The following LDHA variants were observed in gnomAD, a reference collection of about 807,000 sequenced individuals.
LDHA encodes lactate dehydrogenase A, also known as L-lactate dehydrogenase A chain.
In LDHA, 10 loss-of-function variants were observed where a neutral mutation model predicts 36.3. The ratio of observed to expected loss-of-function variants is 0.28; its 90% confidence interval spans 0.17 to 0.47. The LOEUF is 0.47. Among genes scored for constraint, LDHA ranks in the 20% least tolerant of loss-of-function variants. The pLI, the probability that LDHA is intolerant of heterozygous loss-of-function variation, is 0.99. For synonymous variants in LDHA, 110 were observed against 136.7 expected (o/e 0.80, Z 1.36); for missense variants, 267 against 405.8 (o/e 0.66, Z 2.94).
Position 18,408,147 on chromosome 11 carries a change from A to G in LDHA, c.*866A>G, listed in dbSNP as rs1379737388. 4.4e-6 allele frequency: 2 copies of G among 454,038 alleles called. No homozygotes were observed. Among genetic ancestry groups the G allele is most frequent in the African/African-American group, 2.0e-5 (1 of 50,022 alleles). The allele number at this position is 454,038 out of a possible 1,614,324, so 28.1% of individuals were successfully genotyped here. A position where few individuals can be genotyped will look rare whatever the true frequency, so the allele number is the denominator to read the frequency against. On this transcript the variant is annotated 3_prime_UTR_variant, in exon 8 of 8. Coordinates refer to ENST00000422447, the MANE Select transcript of LDHA (RefSeq NM_005566.4). ...ATATAGGCAATGATAGTGTGTCACT[A>G]TAGGGAACACAGATTTTTGAGATCT...
chr11:18,396,067 C>G (rs1463807848), intron 1 of LDHA, among the ~76,000 whole-genome samples: 1 of 152,276 alleles, frequency 6.6e-6, no homozygotes, highest in African/African-American at 2.4e-5. Flanking sequence ...GTCTGAATCC[C>G]AGCTCCCTCC....
chr11:18,398,415 C>T (rs943571911), intron 2 of LDHA, among the ~76,000 whole-genome samples: 11 of 149,976 alleles, frequency 7.3e-5, no homozygotes, highest in Non-Finnish European at 1.5e-4. Flanking sequence ...TTTTTTGAGA[C>T]GGAATCTCGC....
At position 18,407,367 on chromosome 11, in the gene LDHA, C is replaced by T. The variant is rs138352370; in HGVS notation, c.*86C>T. ...GTGCATGTTGTCCTTTTTATCTGAT[C>T]TGTGATTAAAGCAGTAATATTTTAA... On this transcript the variant is annotated 3_prime_UTR_variant, in exon 8 of 8. Coordinates refer to ENST00000422447, the MANE Select transcript of LDHA (RefSeq NM_005566.4). The T allele has an allele frequency of 6.9e-5, 111 of 1,608,118 alleles. 1 individual carries two copies. The African/African-American group carries it at 1.1e-3, about 16-fold the overall frequency.
chr11:18,398,802 G>C (rs1866383583), intron 2 of LDHA: 1 of 158,048 alleles, frequency 6.3e-6, no homozygotes, highest in African/African-American at 2.4e-5. Flanking sequence ...TTTTAGTAGA[G>C]ACGGGGTTTC....
chr11:18,395,105 C>A (rs759984024), intron 1 of LDHA: 1 of 180,974 alleles, frequency 5.5e-6, no homozygotes, highest in Admixed American at 5.4e-5. Context: ...TTGCATTTTT[C>A]TCTTGGGACG....
chr11:18,399,733 CTA>C (rs1356616691), intron 3 of LDHA, 185 bp downstream of exon 3: 3 of 617,526 alleles, frequency 4.9e-6, no homozygotes, highest in Non-Finnish European at 8.8e-6. Context: ...GAAACTGGGA[CTA>C]TAGGGTATGC....
intron 1 of LDHA, 80 bp from the exon 2 acceptor site, chr11:18,396,739 A>G: frequency 7.0e-7 from 1 of 1,430,732 alleles, no homozygotes; most frequent in South Asian, 1.4e-5. Context: ...CCCCAAAGGA[A>G]GTAAAATAGC....
intron 6 of LDHA, 144 bp from the exon 7 acceptor site, chr11:18,405,305 A>G: frequency 1.2e-6 from 1 of 808,670 alleles, no homozygotes; most frequent in Non-Finnish European, 2.1e-6. Context: ...ATATCCTAGC[A>G]TACATGTGTG....
At position 18,399,502 on chromosome 11, in the gene LDHA, A is replaced by G; in HGVS notation, c.198A>G (p.Gln66=). The change falls in exon 3 of 8, where the codon CAA becomes CAG. Residue 66 remains glutamine, a synonymous_variant. Transcript: ENST00000422447. ...TGAAGGGAGAGATGATGGATCTCCAACATGGCAGCCTTTTCCTTAGAACAC... is the reference window on the plus strand; with the variant it reads ...TGAAGGGAGAGATGATGGATCTCCAGCATGGCAGCCTTTTCCTTAGAACAC... The part of the protein sequence containing the change: ...DKLKGEMMDL[Q]HGSLFLRTPK... 1 of 1,613,432 alleles carries G rather than the reference A, an allele frequency of 6.2e-7. No individual in the cohort carries two copies. Among genetic ancestry groups the G allele is most frequent in the Non-Finnish European group, 8.5e-7 (1 of 1,179,346 alleles).
chr11:18,396,565 A>C, intron 1 of LDHA: 1 of 1,372,868 alleles, frequency 7.3e-7, no homozygotes, highest in Non-Finnish European at 9.4e-7. Flanking sequence ...AACCCTCAGG[A>C]GGCTATACTT....
At position 18,402,235 on chromosome 11, in the gene LDHA, G is replaced by A. The variant is rs188276581; in HGVS notation, c.419-605G>A. Reference sequence around the variant, plus strand: ...CTCCCAAAGTATTAGGATTACAGGCGTGAGCCACCGTGCCCGGGCCCATAA... The same window carrying A: ...CTCCCAAAGTATTAGGATTACAGGCATGAGCCACCGTGCCCGGGCCCATAA... On this transcript the variant is annotated intron_variant, in intron 4 of 7. Coordinates refer to ENST00000422447, the MANE Select transcript of LDHA (RefSeq NM_005566.4). 1.3e-3 allele frequency among the ~76,000 whole-genome samples: 194 copies of A among 151,872 alleles called. 1 individual carries two copies. Among genetic ancestry groups the A allele is most frequent in the African/African-American group, 4.5e-3 (187 of 41,462 alleles).
chr11:18,403,746 C>T lies in LDHA; in HGVS notation c.645C>T (p.His215=), dbSNP rs1866578966. 3 of 1,612,066 alleles carry T rather than the reference C, an allele frequency of 1.9e-6. No individual in the cohort carries two copies. Among genetic ancestry groups the T allele is most frequent in the Non-Finnish European group, 2.5e-6 (3 of 1,178,238 alleles). The change falls in exon 6 of 8, where the codon CAC becomes CAT. Residue 215 remains histidine (H), a synonymous_variant. Coordinates refer to ENST00000422447, the MANE Select transcript of LDHA (RefSeq NM_005566.4). ...CTGGTGTCTCTCTGAAGACTCTGCACCCAGATTTAGGGACTGATAAAGATA... is the reference window on the plus strand; with the variant it reads ...CTGGTGTCTCTCTGAAGACTCTGCATCCAGATTTAGGGACTGATAAAGATA... The part of the protein sequence containing the change: ...NVAGVSLKTL[H]PDLGTDKDKE...
At position 18,400,828 on chromosome 11, in the gene LDHA, T is replaced by C; in HGVS notation, c.245-9T>C. The C allele has an allele frequency of 6.2e-7, 1 of 1,611,880 alleles. No homozygotes were observed. Among genetic ancestry groups the C allele is most frequent in the Non-Finnish European group, 8.5e-7 (1 of 1,178,168 alleles). On this transcript the variant is annotated splice_polypyrimidine_tract_variant and intron_variant, in intron 3 of 7. Coordinates refer to ENST00000422447, the MANE Select transcript of LDHA (RefSeq NM_005566.4). ...GCCTTAATCTGGTCATTATTCCCCT[T>C]TTCTCTAGACTATAATGTAACTGCA...
intron 6 of LDHA, 46 bp from the exon 7 acceptor site, chr11:18,405,403 C>A: frequency 6.2e-7 from 1 of 1,606,060 alleles, no homozygotes; most frequent in South Asian, 1.1e-5. Context: ...CTTTCTTTCT[C>A]CCACCCTGCT....
intron 6 of LDHA, 34 bp downstream of exon 6, chr11:18,403,845 T>G: frequency 8.8e-7 from 1 of 1,141,436 alleles, no homozygotes; most frequent in Non-Finnish European, 1.3e-6. Context: ...ACACAGAATA[T>G]TAACATTTAC....
intron 1 of LDHA, 36 bp from the exon 2 acceptor site, chr11:18,396,783 A>G: frequency 1.3e-6 from 2 of 1,541,144 alleles, no homozygotes; most frequent in Non-Finnish European, 1.8e-6. Context: ...AACATTAAAG[A>G]AGCTGTAGTG....
At chr11:18,402,108 A>G (rs1411671081) in intron 4 of LDHA, among the ~76,000 whole-genome samples, 1 of 151,380 alleles carries the variant, frequency 6.6e-6, no homozygotes, top group Admixed American at 6.6e-5. Context: ...GGCACGTGCC[A>G]CCATGCTCGG....
Position 18,408,205 on chromosome 11 carries a change from A to G in LDHA, c.*924A>G, listed in dbSNP as rs778468175. Reference sequence around the variant, plus strand: ...TGGAAGCTGGTAACAATTAAAAACAATCTTAAGGCAGGGTGCAGTGGCTCA... The same window carrying G: ...TGGAAGCTGGTAACAATTAAAAACAGTCTTAAGGCAGGGTGCAGTGGCTCA... On this transcript the variant is annotated 3_prime_UTR_variant, in exon 8 of 8. Transcript: ENST00000422447. The G allele has an allele frequency of 4.0e-5, 18 of 454,038 alleles. No homozygotes were observed. The highest frequency in any genetic ancestry group is 2.6e-4 in the South Asian group (17 of 64,480). The allele number at this position is 454,038 out of a possible 1,614,324, so 28.1% of individuals were successfully genotyped here.
chr11:18,396,731 C>T, intron 1 of LDHA, 88 bp from the exon 2 acceptor site: 2 of 1,407,392 alleles, frequency 1.4e-6, no homozygotes, highest in Non-Finnish European at 1.9e-6. Flanking sequence ...GCAAATACCC[C>T]CAAAGGAAGT....
Sources: allele counts gnomAD v4.1 joint callset (sites outside exome capture counted in the v4.1 genomes callset), GRCh38; gene constraint gnomAD v4.1.1; transcripts MANE v1.5; gene names NCBI Gene and HGNC (gene_info 2026-07-23, HGNC 2026-07-21).